The following TTN variants were observed in gnomAD, a reference collection of about 807,000 sequenced individuals.
The protein encoded by TTN is connectin.
TTN carries 1,525 observed loss-of-function variants against 3,223.0 expected under a neutral mutation model. That is an observed-to-expected ratio of 0.47 (90% CI 0.45 to 0.49). The LOEUF is 0.49. Among genes scored for constraint, TTN ranks in the 20% least tolerant of loss-of-function variants. The pLI is 0.00. For synonymous variants in TTN, 14,094 were observed against 15,161.0 expected, an observed-to-expected ratio of 0.93 and a Z score of 5.17; for missense variants, 40,786 against 43,424.0, an observed-to-expected ratio of 0.94 and a Z score of 5.40.
rs182516675 is a variant in TTN, at chr2:178,746,265, G to A, written c.11312-4344C>T. The A allele has an allele frequency of 4.8e-5, 77 of 1,612,160 alleles. No homozygotes were observed. The highest frequency in any genetic ancestry group is 3.6e-4 in the East Asian group (16 of 44,762). On this transcript the variant is annotated intron_variant, in intron 47 of 362. Transcript: ENST00000589042. ...CAAATAGGCATTATAAAGCGAGGAG[G>A]CATTTCAAATACTTCTAAATCAATT...
In TTN at chr2:178,573,554, T is replaced by C; in HGVS notation, c.72578A>G (p.Tyr24193Cys). 6.7e-7 allele frequency: 1 copy of C among 1,497,464 alleles called. No individual in the cohort carries two copies. Among genetic ancestry groups the C allele is most frequent in the Non-Finnish European group, 8.9e-7 (1 of 1,126,238 alleles). 92.8% of individuals were successfully genotyped at this position (1,497,464 alleles called of 1,614,324 possible). A position where few individuals can be genotyped will look rare whatever the true frequency, so the allele number is the denominator to read the frequency against. The part of the protein sequence containing the change: ...KVTKLLKGNE[Y>C]IFRVMAVNKY... ...ATTTACAGCCATGACACGGAATATGTATTCATTGCCTTTCAAGAGTTTAGT... is the reference window on the plus strand; with the variant it reads ...ATTTACAGCCATGACACGGAATATGCATTCATTGCCTTTCAAGAGTTTAGT... The change falls in exon 326 of 363, where the codon TAC becomes TGC. Residue 24193 changes from tyrosine (Y) to cysteine (C), a missense_variant. By Grantham distance (194) the Tyr-to-Cys change is radical. Coordinates refer to ENST00000589042, the MANE Select transcript of TTN (RefSeq NM_001267550.2).
rs759379332 is a variant in TTN at position 178,729,534 on chromosome 2, C to G, written c.18622G>C (p.Val6208Leu). 1 of 1,613,288 alleles carries G rather than the reference C, an allele frequency of 6.2e-7. No individual in the cohort carries two copies. Among genetic ancestry groups the G allele is most frequent in the South Asian group, 1.1e-5 (1 of 91,042 alleles). Residue 6208 changes from valine to leucine, a missense_variant, in exon 64 of 363, where the codon GTG (valine) becomes CTG (leucine). Transcript: ENST00000589042. Reference protein sequence around the residue: ...PPTFIRELKPVEVVKYSDVEL... With the variant: ...PPTFIRELKPLEVVKYSDVEL... ...ACGTCACTATATTTTACTACCTCCA[C>G]AGGCTTCAGCTCTCTGATAAAGGTG...
In TTN at chr2:178,741,792, T is replaced by A; in HGVS notation, c.11441A>T (p.Glu3814Val). ...SPVYPTKFDS[E>V]KEGTGPIFIK... ...GAAAATTGGGCCAGTGCCTTCCTTT[T>A]CGGAATCAAATTTAGTTGGGTAAAC... The change falls in exon 48 of 363, where the codon GAA (glutamate) becomes GTA (valine). Residue 3814 changes from glutamate (E) to valine (V), a missense_variant. Glu to Val is a moderately radical substitution (Grantham distance 121, BLOSUM62 -2). Transcript: ENST00000589042. The A allele has an allele frequency of 6.2e-7, 1 of 1,613,382 alleles. No individual in the cohort carries two copies. Among genetic ancestry groups the A allele is most frequent in the Non-Finnish European group, 8.5e-7 (1 of 1,179,644 alleles).
At position 178,669,399 on chromosome 2, in the gene TTN, A is replaced by T; in HGVS notation, c.35519T>A (p.Val11840Asp). 6.6e-7 allele frequency: 1 copy of T among 1,520,058 alleles called. No individual in the cohort carries two copies. The highest frequency in any genetic ancestry group is 8.7e-7 in the Non-Finnish European group (1 of 1,146,060). 94.2% of individuals were successfully genotyped at this position (1,520,058 alleles called of 1,614,324 possible). The change falls in exon 159 of 363, where the codon GTT (valine) becomes GAT (aspartate). Residue 11840 changes from valine (V) to aspartate (D), a missense_variant. Coordinates refer to ENST00000589042, the MANE Select transcript of TTN (RefSeq NM_001267550.2). Reference sequence around the variant, plus strand: ...GTACATCTCTGTGTCTTCAGAAATAACAATAGGTGATTTTTCTTCTTGAAC... The same window carrying T: ...GTACATCTCTGTGTCTTCAGAAATATCAATAGGTGATTTTTCTTCTTGAAC... ...KSVQEEKSPI[V>D]ISEDTEMYIY... is the part of the protein sequence containing the mutation.
rs776874515 is a variant in TTN at position 178,570,478 on chromosome 2, T to C, written c.75654A>G (p.Thr25218=). 6 of 1,613,316 alleles carry C rather than the reference T, an allele frequency of 3.7e-6. No individual in the cohort carries two copies. The highest frequency in any genetic ancestry group is 4.5e-5 in the East Asian group (2 of 44,704). The change falls in exon 326 of 363, where the codon ACA becomes ACG. Residue 25218 remains threonine, a synonymous_variant. Coordinates refer to ENST00000589042, the MANE Select transcript of TTN (RefSeq NM_001267550.2). ...PEGPVVISGV[T]AEKCTLAWKP... ...TCCAAGCTAGTGTGCATTTTTCTGCTGTAACTCCTGAGATAACAACAGGTC... is the reference window on the plus strand; with the variant it reads ...TCCAAGCTAGTGTGCATTTTTCTGCCGTAACTCCTGAGATAACAACAGGTC...
At chr2:178,602,964 T>A (rs1464886868) in intron 282 of TTN, among the ~76,000 whole-genome samples, 1 of 151,984 alleles carries the variant, frequency 6.6e-6, no homozygotes, top group Non-Finnish European at 1.5e-5. Flanking sequence ...AATATGAAAA[T>A]TTAAAAAGGA....
Position 178,611,234 on chromosome 2 carries a change from A to C in TTN, c.50895T>G (p.Ile16965Met). 6.2e-7 allele frequency: 1 copy of C among 1,612,550 alleles called. No individual in the cohort carries two copies. Among genetic ancestry groups the C allele is most frequent in the Non-Finnish European group, 8.5e-7 (1 of 1,179,214 alleles). The change falls in exon 270 of 363, where the codon ATT (isoleucine) becomes ATG (methionine). Residue 16965 changes from isoleucine (I) to methionine (M), a missense_variant. Ile to Met is a conservative substitution (Grantham distance 10). Transcript: ENST00000589042. ...PTIDLETHDI[I>M]VIEGEKLSIP... ...TGCTTAACTTTTCACCTTCAATAAC[A>C]ATAATGTCATGAGTCTCCAGGTCAA...
rs1369391499 is a variant in TTN at position 178,562,319 on chromosome 2, G to T, written c.83813C>A (p.Ala27938Glu). The T allele has an allele frequency of 6.2e-7, 1 of 1,612,942 alleles. No individual in the cohort carries two copies. The highest frequency in any genetic ancestry group is 1.7e-5 in the Admixed American group (1 of 59,938). ...AGEEYVFRVA[A>E]VNEKGRSDPR... ...ATCACTTCTTCCCTTTTCGTTAACTGCAGCTACCCTGAAGACATACTCTTC... is the reference window on the plus strand; with the variant it reads ...ATCACTTCTTCCCTTTTCGTTAACTTCAGCTACCCTGAAGACATACTCTTC... Residue 27938 changes from alanine to glutamate, a missense_variant, in exon 326 of 363, where the codon GCA becomes GAA. Physicochemically the swap from Ala to Glu is moderately radical, Grantham distance 107 (BLOSUM62 -1). Transcript: ENST00000589042.
In TTN at chr2:178,553,505, G is replaced by A; in HGVS notation, c.89500C>T (p.Leu29834Phe). Residue 29834 changes from leucine (L) to phenylalanine (F), a missense_variant, in exon 334 of 363, where the codon CTT becomes TTT. Transcript: ENST00000589042. ...AATCAAACCAGTAGGTACATACCAA[G>A]TATATCTTTAGCTTGTACAGGTTCA... is the stretch of plus-strand genomic sequence containing the variant. ...MNEPVQAKDI[L>F]EAPEIDLDVA... 6.2e-7 allele frequency: 1 copy of A among 1,607,904 alleles called. No individual in the cohort carries two copies. The highest frequency in any genetic ancestry group is 8.5e-7 in the Non-Finnish European group (1 of 1,176,836).
chr2:178,694,055 G>C, intron 117 of TTN, 47 bp from the exon 118 acceptor site: 2 of 1,435,204 alleles, frequency 1.4e-6, no homozygotes, highest in African/African-American at 2.8e-5. Flanking sequence ...TTTAGTACAA[G>C]ACATCAGATC....
chr2:178,541,382 A>G lies in TTN; in HGVS notation c.97695T>C (p.Thr32565=), dbSNP rs2154141565. 2 of 1,610,076 alleles carry G rather than the reference A, an allele frequency of 1.2e-6. No individual in the cohort carries two copies. The highest frequency in any genetic ancestry group is 1.7e-6 in the Non-Finnish European group (2 of 1,178,008). ...CACGGTGTTCATATTCTAAGCCTTC[A>G]GTAAGGCCAGTGGAGCGGTACCGTG... ...TMTRYRSTGL[T]EGLEYEHRVT... Residue 32565 remains threonine, a synonymous_variant, in exon 350 of 363, where the codon ACT becomes ACC. Coordinates refer to ENST00000589042, the MANE Select transcript of TTN (RefSeq NM_001267550.2).
rs2074896630 is a variant in TTN, at chr2:178,701,135, G to A, written c.30667C>T (p.Pro10223Ser). The change falls in exon 111 of 363, where the codon CCA becomes TCA. Residue 10223 changes from proline to serine, a missense_variant. Pro to Ser is a moderately conservative substitution (Grantham distance 74, BLOSUM62 -1). Transcript: ENST00000589042. Reference sequence around the variant, plus strand: ...GGTATAATACCTTCAATACGTTTTGGTGGTGGTTTCTTTTCTTCGGGTGTT... The same window carrying A: ...GGTATAATACCTTCAATACGTTTTGATGGTGGTTTCTTTTCTTCGGGTGTT... Reference protein sequence around the residue: ...LPTPEEKKPPPKRIEVTKKAV... With the variant: ...LPTPEEKKPPSKRIEVTKKAV... 3 of 1,613,604 alleles carry A rather than the reference G, an allele frequency of 1.9e-6. No individual in the cohort carries two copies. Among genetic ancestry groups the A allele is most frequent in the Non-Finnish European group, 2.5e-6 (3 of 1,179,718 alleles).
At chr2:178,610,724 A>G (rs79670558) in intron 270 of TTN, among the ~76,000 whole-genome samples, 254 of 152,088 alleles carry the variant, frequency 1.7e-3, no homozygotes, top group African/African-American at 5.5e-3. Context: ...GGTCATTTCA[A>G]TGCTCTTTGG....
chr2:178,551,685 A>T lies in TTN; in HGVS notation c.91215T>A (p.Ala30405=). The T allele has an allele frequency of 1.2e-6, 2 of 1,611,868 alleles. No homozygotes were observed. The highest frequency in any genetic ancestry group is 1.1e-5 in the South Asian group (1 of 90,860). ...YQFRVYAENS[A]GLSSPSDPSK... is the part of the protein sequence containing the mutation. The stretch of plus-strand genomic sequence containing the variant: ...TTGGGTCACTAGGTGAGCTTAGGCC[A>T]GCAGAATTTTCAGCATATACACGGA... The change falls in exon 335 of 363, where the codon GCT becomes GCA. Residue 30405 remains alanine (A), a synonymous_variant. Coordinates refer to ENST00000589042, the MANE Select transcript of TTN (RefSeq NM_001267550.2).
rs1193666714 is a variant in TTN, at chr2:178,614,964, C to G, written c.48643G>C (p.Glu16215Gln). Reference protein sequence around the residue: ...CGEPVAETKMEVTGLEEGKWY... With the variant: ...CGEPVAETKMQVTGLEEGKWY... ...TTGCCTTCCTCAAGACCTGTCACTT[C>G]CATTCTGTCAGAAAACAGAATAGGA... The change falls in exon 260 of 363, where the codon GAA (glutamate) becomes CAA (glutamine). Residue 16215 changes from glutamate (E) to glutamine (Q), a missense_variant. Physicochemically the swap from Glu to Gln is conservative, Grantham distance 29 (BLOSUM62 2). Coordinates refer to ENST00000589042, the MANE Select transcript of TTN (RefSeq NM_001267550.2). 1 of 1,597,606 alleles carries G rather than the reference C, an allele frequency of 6.3e-7. No individual in the cohort carries two copies. The highest frequency in any genetic ancestry group is 8.5e-7 in the Non-Finnish European group (1 of 1,171,116).
chr2:178,771,755 GTC>G (rs1277425539), intron 33 of TTN, among the ~76,000 whole-genome samples: 1 of 152,166 alleles, frequency 6.6e-6, no homozygotes, highest in Non-Finnish European at 1.5e-5. Context: ...CACCAGGATA[GTC>G]TCTAACCCAA....
chr2:178,735,129 T>A, intron 50 of TTN, 141 bp from the exon 51 acceptor site: 1 of 926,516 alleles, frequency 1.1e-6, no homozygotes, highest in Non-Finnish European at 1.6e-6. Flanking sequence ...GTGGTGCATT[T>A]AATAGGTTCC....
Position 178,585,228 on chromosome 2 carries a change from C to A in TTN, c.64516G>T (p.Glu21506Ter). Residue 21506 changes from glutamate (E) to a stop codon, truncating the protein, a stop_gained, in exon 309 of 363, where the codon GAA (glutamate) becomes TAA (stop). Transcript: ENST00000589042. LOFTEE classifies it high-confidence loss of function. ...GCCAGGTGGCTGGATGTGACAACTT[C>A]ATCTTCTCCTTTTTTCCATTTACAG... Reference protein sequence around the residue: ...PTCKWKKGEDEVVTSSHLAVH... With the variant: ...PTCKWKKGED 4 of 1,613,316 alleles carry A rather than the reference C, an allele frequency of 2.5e-6. No individual in the cohort carries two copies. In the South Asian group the frequency reaches 3.3e-5, roughly 13 times the overall value.
At chr2:178,626,194 C>A (rs1440556146) in intron 240 of TTN, among the ~76,000 whole-genome samples, 1 of 151,936 alleles carries the variant, frequency 6.6e-6, no homozygotes, top group African/African-American at 2.4e-5. Flanking sequence ...CTCTTCTTCC[C>A]ATTTATTTTA....
Sources: allele counts gnomAD v4.1 joint callset (sites outside exome capture counted in the v4.1 genomes callset), GRCh38; gene constraint gnomAD v4.1.1; transcripts MANE v1.5; gene names NCBI Gene and HGNC (gene_info 2026-07-23, HGNC 2026-07-21).